The following CDH12 variants were observed in gnomAD, a reference collection of about 807,000 sequenced individuals.
CDH12 encodes cadherin-12.
Under a neutral mutation model 74.1 loss-of-function variants are expected in CDH12, and 41 were observed. That is an observed-to-expected ratio of 0.55 (90% CI 0.43 to 0.72). The LOEUF (loss-of-function observed/expected upper bound fraction) is 0.72, where lower values mean the gene tolerates loss of function less well. CDH12 is among the 30% of genes least tolerant of loss of function. The pLI is 0.00. For synonymous variants in CDH12, 399 were observed against 355.0 expected, an observed-to-expected ratio of 1.12 and a Z score of -1.39; for missense variants, 945 against 977.2, an observed-to-expected ratio of 0.97 and a Z score of 0.44.
intron 2 of CDH12, among the ~76,000 whole-genome samples, chr5:22,429,781 A>G (rs1019631268): frequency 3.3e-5 from 5 of 152,210 alleles, no homozygotes; most frequent in Admixed American, 3.3e-4. Flanking sequence ...GACAACATCT[A>G]CACAAAGCTC....
intron 1 of CDH12, among the ~76,000 whole-genome samples, chr5:22,547,360 T>C (rs1738379888): frequency 6.6e-6 from 1 of 152,164 alleles, no homozygotes; most frequent in African/African-American, 2.4e-5. Flanking sequence ...TAACACGCCT[T>C]CTCAATGACT....
intron 4 of CDH12, among the ~76,000 whole-genome samples, chr5:22,124,406 G>A (rs992239358): frequency 6.6e-6 from 1 of 152,144 alleles, no homozygotes; most frequent in African/African-American, 2.4e-5. Context: ...TTACAGGCGT[G>A]AGCCACCATG....
Position 22,520,207 on chromosome 5 carries a change from T to C in CDH12, c.-522-14843A>G, listed in dbSNP as rs185064840. Among the ~76,000 whole-genome samples, 4 of 152,230 alleles carry C rather than the reference T, an allele frequency of 2.6e-5. No individual in the cohort carries two copies. The East Asian group carries it at 5.8e-4, about 22-fold the overall frequency. ...TAGGTAACAAAAGCCACAATGTGAATAGTGATTGTTATTTATTTTTCAATT... is the reference window on the plus strand; with the variant it reads ...TAGGTAACAAAAGCCACAATGTGAACAGTGATTGTTATTTATTTTTCAATT... On this transcript the variant is annotated intron_variant, in intron 1 of 14. Transcript: ENST00000382254.
intron 10 of CDH12, among the ~76,000 whole-genome samples, chr5:21,788,418 A>G (rs1198234856): frequency 6.6e-6 from 1 of 152,050 alleles, no homozygotes; most frequent in East Asian, 1.9e-4. Context: ...CAGAATTACT[A>G]TAGAAAACTA....
rs1193077466 is a variant in CDH12 at position 22,698,676 on chromosome 5, GATATATATATATATATATATATAT to G, written c.-523+154358_-523+154381del. On this transcript the variant is annotated intron_variant, in intron 1 of 14. Coordinates refer to ENST00000382254, the MANE Select transcript of CDH12 (RefSeq NM_004061.5). The stretch of plus-strand genomic sequence containing the variant: ...TACATTTAGCTGCATTCAATCCCCA[GATATATATATATATATATATATAT>G]ATATATATATATATATATATATATA... Among the ~76,000 whole-genome samples the G allele has an allele frequency of 2.3e-3, 70 of 30,998 alleles. 1 individual carries two copies. The highest frequency in any genetic ancestry group is 3.5e-3 in the African/African-American group (31 of 8,920). The allele number at this position is 30,998 out of a possible 152,430, so 20.3% of individuals were successfully genotyped here.
chr5:22,628,783 C>T (rs1001457420), intron 1 of CDH12, among the ~76,000 whole-genome samples: 1 of 151,914 alleles, frequency 6.6e-6, no homozygotes, highest in African/African-American at 2.4e-5. Context: ...ATGTAAAAAA[C>T]TTACAAAAGA....
chr5:21,846,144 T>C (rs1439013567), intron 7 of CDH12, among the ~76,000 whole-genome samples: 2 of 152,178 alleles, frequency 1.3e-5, no homozygotes, highest in Non-Finnish European at 1.5e-5. Context: ...TTTCACAAAC[T>C]GTGCAAATGG....
At chr5:22,532,025 A>T (rs530333589) in intron 1 of CDH12, among the ~76,000 whole-genome samples, 21 of 152,242 alleles carry the variant, frequency 1.4e-4, no homozygotes, top group African/African-American at 4.3e-4. Flanking sequence ...CTGTAAAGTT[A>T]GGAAGAAATC....
intron 1 of CDH12, among the ~76,000 whole-genome samples, chr5:22,745,985 A>G (rs1257263377): frequency 1.3e-5 from 2 of 152,248 alleles, no homozygotes; most frequent in African/African-American, 4.8e-5. Context: ...CTGTATTCTT[A>G]TAATGACAGA....
chr5:21,794,167 C>T (rs1258168113), intron 10 of CDH12, among the ~76,000 whole-genome samples: 2 of 151,514 alleles, frequency 1.3e-5, no homozygotes, highest in Admixed American at 6.6e-5. Context: ...AGGGCTCATA[C>T]ACCTGGGTGT....
chr5:22,656,965 T>C (rs1001518594), intron 1 of CDH12, among the ~76,000 whole-genome samples: 2 of 151,994 alleles, frequency 1.3e-5, no homozygotes. Flanking sequence ...GCCTCCTGAG[T>C]AGCTGGGATC....
intron 2 of CDH12, among the ~76,000 whole-genome samples, chr5:22,488,344 T>A (rs1746694316): frequency 6.6e-6 from 1 of 152,210 alleles, no homozygotes; most frequent in Non-Finnish European, 1.5e-5. Context: ...CAATTTACCT[T>A]GCCATCATTT....
rs540658922 is a variant in CDH12 at position 22,424,052 on chromosome 5, A to G, written c.-427-18701T>C. ...AGAAAAGAAAAGAAAAAGAAAGAAA[A>G]AAAAAAGAGGGTGACTGCATTATGC... On this transcript the variant is annotated intron_variant, in intron 2 of 14. Coordinates refer to ENST00000382254, the MANE Select transcript of CDH12 (RefSeq NM_004061.5). Among the ~76,000 whole-genome samples, 9 of 150,888 alleles carry G rather than the reference A, an allele frequency of 6.0e-5. No homozygotes were observed. In the East Asian group the frequency reaches 9.7e-4, roughly 16 times the overall value.
At chr5:22,121,511 C>T (rs908203271) in intron 4 of CDH12, among the ~76,000 whole-genome samples, 9 of 152,136 alleles carry the variant, frequency 5.9e-5, no homozygotes, top group African/African-American at 2.2e-4. Context: ...ATTCGGGAGT[C>T]TCATGTTTCT....
At chr5:21,864,822 T>C (rs1388341799) in intron 6 of CDH12, among the ~76,000 whole-genome samples, 2 of 152,180 alleles carry the variant, frequency 1.3e-5, no homozygotes, top group Non-Finnish European at 2.9e-5. Flanking sequence ...TAGAGTCTGA[T>C]AGTTCTTAGA....
At chr5:22,610,626 C>G (rs1737348803) in intron 1 of CDH12, among the ~76,000 whole-genome samples, 1 of 151,958 alleles carries the variant, frequency 6.6e-6, no homozygotes, top group Non-Finnish European at 1.5e-5. Context: ...AATAAAATCT[C>G]TCTCATTTTT....
intron 6 of CDH12, among the ~76,000 whole-genome samples, chr5:21,912,723 G>C (rs992544684): frequency 6.6e-6 from 1 of 152,150 alleles, no homozygotes; most frequent in Admixed American, 6.5e-5. Context: ...ATGGGGCACA[G>C]GCAAGCAAGG....
chr5:22,519,590 A>C (rs1405950735), intron 1 of CDH12, among the ~76,000 whole-genome samples: 2 of 151,760 alleles, frequency 1.3e-5, no homozygotes, highest in African/African-American at 4.8e-5. Context: ...CACCCGGCTA[A>C]TTTTTTGTAT....
intron 1 of CDH12, among the ~76,000 whole-genome samples, chr5:22,603,082 T>A (rs547288920): frequency 6.6e-6 from 1 of 152,086 alleles, no homozygotes; most frequent in African/African-American, 2.4e-5. Context: ...TGTCTGCCCA[T>A]GAATTAAAGG....
Sources: allele counts gnomAD v4.1 joint callset (sites outside exome capture counted in the v4.1 genomes callset), GRCh38; gene constraint gnomAD v4.1.1; transcripts MANE v1.5; gene names NCBI Gene and HGNC (gene_info 2026-07-23, HGNC 2026-07-21).